The following LRRC4C variants were observed in gnomAD, a reference collection of about 807,000 sequenced individuals.
The protein encoded by LRRC4C is leucine-rich repeat-containing protein 4C.
Under a neutral mutation model 33.6 loss-of-function variants are expected in LRRC4C, and 5 were observed. The ratio of observed to expected loss-of-function variants is 0.15; its 90% CI spans 0.08 to 0.31. The LOEUF is 0.31. LRRC4C is among the 10% of genes least tolerant of loss of function. The probability of loss-of-function intolerance (pLI) is 1.00; values close to 1 mark genes in which losing one functional copy is unlikely to be tolerated. For missense variants in LRRC4C, 560 were observed against 796.7 expected (o/e 0.70, Z 3.58); for synonymous variants, 329 against 302.0 (o/e 1.09, Z -0.93).
At chr11:40,730,137 G>A (rs1345959383) in intron 2 of LRRC4C, among the ~76,000 whole-genome samples, 1 of 152,098 alleles carries the variant, frequency 6.6e-6, no homozygotes, top group East Asian at 1.9e-4. Flanking sequence ...AGCATTGGGA[G>A]ATATAACTAA....
chr11:41,119,949 G>C (rs1464540018), intron 1 of LRRC4C, among the ~76,000 whole-genome samples: 1 of 152,156 alleles, frequency 6.6e-6, no homozygotes, highest in Non-Finnish European at 1.5e-5. Context: ...TTCAAAAAGA[G>C]AGTAGTAGCA....
At chr11:40,556,112 C>G (rs1957323576) in intron 3 of LRRC4C, among the ~76,000 whole-genome samples, 1 of 152,224 alleles carries the variant, frequency 6.6e-6, no homozygotes, top group Admixed American at 6.5e-5. Context: ...ATAAGTAATT[C>G]TAATGTTTCC....
intron 2 of LRRC4C, among the ~76,000 whole-genome samples, chr11:40,881,989 T>C (rs1283452785): frequency 6.6e-6 from 1 of 152,104 alleles, no homozygotes; most frequent in African/African-American, 2.4e-5. Context: ...CAGCAGGTTT[T>C]TTTTCTTATA....
intron 2 of LRRC4C, among the ~76,000 whole-genome samples, chr11:40,843,529 A>G (rs1399149465): frequency 6.6e-6 from 1 of 152,162 alleles, no homozygotes; most frequent in Non-Finnish European, 1.5e-5. Flanking sequence ...ACTCTCTCTG[A>G]TGAAATACGA....
At chr11:40,777,117 T>A (rs1950031140) in intron 2 of LRRC4C, among the ~76,000 whole-genome samples, 1 of 152,226 alleles carries the variant, frequency 6.6e-6, no homozygotes, top group East Asian at 1.9e-4. Context: ...TTATTTTGAA[T>A]TTATTGCGAC....
At chr11:41,028,698 T>A (rs1856537722) in intron 1 of LRRC4C, among the ~76,000 whole-genome samples, 1 of 151,616 alleles carries the variant, frequency 6.6e-6, no homozygotes. Context: ...TCTTTCAACA[T>A]ACTAGTTGCT....
intron 2 of LRRC4C, among the ~76,000 whole-genome samples, chr11:40,906,557 G>A (rs1956425845): frequency 6.6e-6 from 1 of 152,054 alleles, no homozygotes; most frequent in Admixed American, 6.6e-5. Flanking sequence ...CCTACATATA[G>A]TGTAAGTATA....
intron 5 of LRRC4C, among the ~76,000 whole-genome samples, chr11:40,235,046 C>A (rs1450647238): frequency 2.0e-5 from 3 of 152,182 alleles, no homozygotes; most frequent in South Asian, 2.1e-4. Flanking sequence ...ACCCTGATTG[C>A]AGCACTTTTG....
At chr11:40,465,019 C>A (rs571223074) in intron 3 of LRRC4C, among the ~76,000 whole-genome samples, 1 of 152,068 alleles carries the variant, frequency 6.6e-6, no homozygotes, top group South Asian at 2.1e-4. Flanking sequence ...AAATGCTAAG[C>A]AGAAAGAACA....
intron 1 of LRRC4C, among the ~76,000 whole-genome samples, chr11:41,337,237 G>A (rs553336162): frequency 6.6e-6 from 1 of 152,048 alleles, no homozygotes; most frequent in Non-Finnish European, 1.5e-5. Context: ...TAAGAGATAG[G>A]ATCTTGCTAT....
At chr11:40,617,052 G>T (rs1961930706) in intron 3 of LRRC4C, among the ~76,000 whole-genome samples, 1 of 151,500 alleles carries the variant, frequency 6.6e-6, no homozygotes, top group Non-Finnish European at 1.5e-5. Flanking sequence ...CATTACCATG[G>T]GCTTCATTTG....
At chr11:41,368,193 C>A (rs1952613763) in intron 1 of LRRC4C, among the ~76,000 whole-genome samples, 1 of 152,140 alleles carries the variant, frequency 6.6e-6, no homozygotes, top group Non-Finnish European at 1.5e-5. Flanking sequence ...CAACTGAAAG[C>A]CAGAATCAGC....
At chr11:40,354,349 G>A (rs1428955260) in intron 3 of LRRC4C, among the ~76,000 whole-genome samples, 1 of 151,814 alleles carries the variant, frequency 6.6e-6, no homozygotes, top group Non-Finnish European at 1.5e-5. Flanking sequence ...TCCTGCCAGT[G>A]TTCACTCATG....
intron 3 of LRRC4C, among the ~76,000 whole-genome samples, chr11:40,453,687 C>T (rs559212961): frequency 1.3e-5 from 2 of 150,050 alleles, no homozygotes; most frequent in South Asian, 4.2e-4. Context: ...AAAATACTAG[C>T]AAACCAAATC....
At chr11:41,251,121 G>C (rs1031973636) in intron 1 of LRRC4C, among the ~76,000 whole-genome samples, 1 of 152,080 alleles carries the variant, frequency 6.6e-6, no homozygotes, top group African/African-American at 2.4e-5. Flanking sequence ...AAATGATAAA[G>C]TATTTATTTT....
chr11:40,496,793 G>A (rs907899247), intron 3 of LRRC4C, among the ~76,000 whole-genome samples: 1 of 152,126 alleles, frequency 6.6e-6, no homozygotes, highest in Non-Finnish European at 1.5e-5. Context: ...ATCACCCTCC[G>A]ACCCAGCGTG....
At chr11:40,878,605 G>A (rs1298561467) in intron 2 of LRRC4C, among the ~76,000 whole-genome samples, 1 of 152,182 alleles carries the variant, frequency 6.6e-6, no homozygotes, top group Non-Finnish European at 1.5e-5. Context: ...TATAAATACA[G>A]ATGAGGCTTT....
intron 1 of LRRC4C, among the ~76,000 whole-genome samples, chr11:41,046,157 T>C (rs1281258319): frequency 6.6e-6 from 1 of 152,208 alleles, no homozygotes; most frequent in Non-Finnish European, 1.5e-5. Context: ...TAACTCTATA[T>C]TATCTTTATA....
At chr11:40,190,184 G>C (rs1301478673) in intron 5 of LRRC4C, among the ~76,000 whole-genome samples, 1 of 152,198 alleles carries the variant, frequency 6.6e-6, no homozygotes, top group Non-Finnish European at 1.5e-5. Flanking sequence ...GATGAAAATG[G>C]GAGAATCTAG....
Sources: allele counts gnomAD v4.1 joint callset (sites outside exome capture counted in the v4.1 genomes callset), GRCh38; gene constraint gnomAD v4.1.1; transcripts MANE v1.5; gene names NCBI Gene and HGNC (gene_info 2026-07-23, HGNC 2026-07-21).